The following LAMA1 variants were observed in gnomAD, a reference collection of about 807,000 sequenced individuals.
LAMA1 encodes the protein laminin subunit alpha 1, also known as laminin subunit alpha-1.
In LAMA1, 219 loss-of-function variants were observed where a neutral mutation model predicts 348.7. That is an observed-to-expected ratio of 0.63 (90% CI 0.56 to 0.70). The LOEUF (loss-of-function observed/expected upper bound fraction) is 0.70, where lower values mean the gene tolerates loss of function less well. Ranked by LOEUF, LAMA1 falls within the 30% of genes least tolerant of loss-of-function variation. The pLI, the probability that LAMA1 is intolerant of heterozygous loss-of-function variation, is 0.00. For synonymous variants in LAMA1, 1,487 were observed against 1,491.0 expected, an observed-to-expected ratio of 1.00 and a Z score of 0.06; for missense variants, 3,744 against 3,888.0, an observed-to-expected ratio of 0.96 and a Z score of 0.99.
At chr18:7,031,408 C>T (rs1216372643) in intron 16 of LAMA1, among the ~76,000 whole-genome samples, 1 of 152,172 alleles carries the variant, frequency 6.6e-6, no homozygotes, top group Non-Finnish European at 1.5e-5. Flanking sequence ...CCTATTTCAA[C>T]TCATATTGCA....
At chr18:6,971,736 A>T in intron 48 of LAMA1, 121 bp downstream of exon 48, 1 of 1,380,572 alleles carries the variant, frequency 7.2e-7, no homozygotes, top group Non-Finnish European at 1.0e-6. Flanking sequence ...TGGCAGCTAA[A>T]CACCTACCAG....
In LAMA1 at chr18:6,997,747, G is replaced by A. The variant is rs1415462991; in HGVS notation, c.4801C>T (p.Leu1601Phe). 1.2e-6 allele frequency: 2 copies of A among 1,613,476 alleles called. No individual in the cohort carries two copies. The highest frequency in any genetic ancestry group is 1.3e-5 in the African/African-American group (1 of 75,020). Residue 1601 changes from leucine (L) to phenylalanine (F), a missense_variant, in exon 33 of 63, where the codon CTC (leucine) becomes TTC (phenylalanine). By Grantham distance (22) the Leu-to-Phe change is conservative (BLOSUM62 0). This residue lies in a region of LAMA1 where 1,983 missense variants were observed against 1,934.3 expected (regional missense o/e 1.03). Transcript: ENST00000389658. The part of the protein sequence containing the change: ...LSNLENTTKY[L>F]QESLLKENMQ... ...TCTGTATTTCCAGTACCTACCTGGA[G>A]ATATTTAGTTGTATTTTCCAGGTTT...
intron 40 of LAMA1, 50 bp downstream of exon 40, chr18:6,983,049 C>A (rs777802021): frequency 1.2e-6 from 2 of 1,613,666 alleles, no homozygotes; most frequent in East Asian, 2.2e-5. Context: ...AAACCCGGTA[C>A]AGAAAAATCT....
chr18:7,054,940 C>T (rs1033101096), intron 3 of LAMA1, among the ~76,000 whole-genome samples: 1 of 152,080 alleles, frequency 6.6e-6, no homozygotes, highest in East Asian at 1.9e-4. Context: ...ATACATAATA[C>T]AATACATACA....
At chr18:6,950,533 C>T (rs1042577779) in intron 58 of LAMA1, among the ~76,000 whole-genome samples, 2 of 152,160 alleles carry the variant, frequency 1.3e-5, no homozygotes, top group Non-Finnish European at 2.9e-5. Context: ...ATGTCTAGTA[C>T]CTTTTGTTCA....
rs116800068 is a variant in LAMA1, at chr18:7,080,162, C to T, written c.233-75G>A. On this transcript the variant is annotated intron_variant, in intron 2 of 62. Coordinates refer to ENST00000389658, the MANE Select transcript of LAMA1 (RefSeq NM_005559.4). ...ATTTCTTAAGTTCTAAACCGTAATG[C>T]TAGTGGAAACAAAGAGCAGTGAAGG... 1.4e-3 allele frequency: 2,186 copies of T among 1,554,124 alleles called. 20 individuals carry two copies. The African/African-American group carries it at 0.026, about 19-fold the overall frequency.
At chr18:7,023,454 T>TA in intron 18 of LAMA1, 79 bp from the exon 19 acceptor site, 1 of 1,166,856 alleles carries the variant, frequency 8.6e-7, no homozygotes, top group Non-Finnish European at 1.3e-6. Flanking sequence ...ACTCCCTGAA[T>TA]GGCTAATAAA....
chr18:6,968,775 G>A (rs2057645150), intron 48 of LAMA1, among the ~76,000 whole-genome samples: 1 of 152,002 alleles, frequency 6.6e-6, no homozygotes, highest in South Asian at 2.1e-4. Context: ...ATTCAAGGAG[G>A]AATAAAAAAG....
chr18:7,048,894 A>C (rs16951107), intron 5 of LAMA1, among the ~76,000 whole-genome samples, 184 bp downstream of exon 5: 3,018 of 152,288 alleles, frequency 0.02, 86 homozygotes, highest in African/African-American at 0.069. Context: ...TTGGCCCATC[A>C]CCTAAAGGCA....
chr18:7,009,422 A>G, intron 26 of LAMA1, 56 bp from the exon 27 acceptor site: 1 of 1,574,500 alleles, frequency 6.4e-7, no homozygotes, highest in Non-Finnish European at 8.7e-7. Flanking sequence ...TGACAGGCAT[A>G]AAACTTATAA....
chr18:7,021,212 T>C (rs113551221), intron 19 of LAMA1, among the ~76,000 whole-genome samples: 1,717 of 152,280 alleles, frequency 0.011, 28 homozygotes, highest in African/African-American at 0.039. Context: ...CACCCTGGGC[T>C]GATGGGCCTG....
chr18:7,043,534 A>C, intron 7 of LAMA1, 129 bp from the exon 8 acceptor site: 1 of 755,914 alleles, frequency 1.3e-6, no homozygotes, highest in South Asian at 1.6e-5. Context: ...TAATTTTAAT[A>C]AGATATGGGC....
At chr18:7,095,157 T>TCC (rs1485005935) in intron 1 of LAMA1, among the ~76,000 whole-genome samples, 2 of 146,708 alleles carry the variant, frequency 1.4e-5, no homozygotes, top group Non-Finnish European at 3.0e-5. Flanking sequence ...TCTCTCTCTC[T>TCC]CCTCTGCTGT....
At chr18:7,042,550 C>T (rs1190816552) in intron 8 of LAMA1, 1 of 365,386 alleles carries the variant, frequency 2.7e-6, no homozygotes, top group Non-Finnish European at 5.3e-6. Flanking sequence ...CAGGACACCA[C>T]AAGGACTCAT....
intron 42 of LAMA1, among the ~76,000 whole-genome samples, chr18:6,979,409 T>C (rs1028627869): frequency 6.6e-6 from 1 of 152,174 alleles, no homozygotes; most frequent in Non-Finnish European, 1.5e-5. Flanking sequence ...GGCTCACACT[T>C]GTAATCCCAG....
intron 3 of LAMA1, among the ~76,000 whole-genome samples, chr18:7,057,919 C>T (rs1236750206): frequency 2.0e-5 from 3 of 151,846 alleles, no homozygotes; most frequent in African/African-American, 2.4e-5. Context: ...CTCAGCCTCC[C>T]GAGTAGCTGG....
At position 7,015,839 on chromosome 18, in the gene LAMA1, A is replaced by G; in HGVS notation, c.3009T>C (p.Thr1003=). 1 of 1,614,042 alleles carries G rather than the reference A, an allele frequency of 6.2e-7. No individual in the cohort carries two copies. Among genetic ancestry groups the G allele is most frequent in the Non-Finnish European group, 8.5e-7 (1 of 1,180,006 alleles). Residue 1003 remains threonine, a synonymous_variant, in exon 22 of 63, where the codon ACT becomes ACC. Coordinates refer to ENST00000389658, the MANE Select transcript of LAMA1 (RefSeq NM_005559.4). ...GSCTPCDCPH[T]QNTCDPETGE... ...CAGTTTCTGGGTCGCAGGTATTCTG[A>G]GTGTGTGGGCAGTCACAGGCTGAAA...
In LAMA1 at chr18:7,032,286, A is replaced by G. The variant is rs546759503; in HGVS notation, c.2164-110T>C. The G allele has an allele frequency of 5.4e-6, 4 of 735,194 alleles. No individual in the cohort carries two copies. The African/African-American group carries it at 6.9e-5, about 13-fold the overall frequency. 45.5% of individuals were successfully genotyped at this position (735,194 alleles called of 1,614,324 possible). On this transcript the variant is annotated intron_variant, in intron 15 of 62. Coordinates refer to ENST00000389658, the MANE Select transcript of LAMA1 (RefSeq NM_005559.4). ...TCTTAAACATCTTAACTGAGGTATCATTTACATGCTACACAATTCACCCAT... is the reference window on the plus strand; with the variant it reads ...TCTTAAACATCTTAACTGAGGTATCGTTTACATGCTACACAATTCACCCAT...
intron 1 of LAMA1, among the ~76,000 whole-genome samples, chr18:7,084,090 A>AT (rs2058205141): frequency 6.6e-6 from 1 of 150,926 alleles, no homozygotes; most frequent in Non-Finnish European, 1.5e-5. Context: ...AAAAAAAAAA[A>AT]AAAAAAAAAG....
Sources: allele counts gnomAD v4.1 joint callset (sites outside exome capture counted in the v4.1 genomes callset), GRCh38; gene constraint gnomAD v4.1.1; regional missense constraint gnomAD v4.1.1; transcripts MANE v1.5; gene names NCBI Gene and HGNC (gene_info 2026-07-23, HGNC 2026-07-21).